The following PPARD variants were observed in gnomAD, a reference collection of about 807,000 sequenced individuals.
PPARD encodes peroxisome proliferator-activated receptor delta.
Under a neutral mutation model 39.5 loss-of-function variants are expected in PPARD, and 6 were observed. The observed-to-expected ratio is 0.15, with a 90% CI of 0.08 to 0.30. PPARD has a LOEUF of 0.30. Among genes scored for constraint, PPARD ranks in the 10% least tolerant of loss-of-function variants. PPARD has a pLI of 1.00. For synonymous variants in PPARD, 210 were observed against 231.3 expected, an observed-to-expected ratio of 0.91 and a Z score of 0.83; for missense variants, 397 against 596.8, an observed-to-expected ratio of 0.67 and a Z score of 3.49.
chr6:35,414,516 G>A (rs1467507379), intron 3 of PPARD, among the ~76,000 whole-genome samples: 2 of 150,462 alleles, frequency 1.3e-5, no homozygotes, highest in Non-Finnish European at 2.9e-5. Flanking sequence ...GTCCAGAGCA[G>A]AAGGGCTTGG....
At chr6:35,357,946 CTG>C (rs1222494679) in intron 2 of PPARD, among the ~76,000 whole-genome samples, 1 of 152,184 alleles carries the variant, frequency 6.6e-6, no homozygotes, top group African/African-American at 2.4e-5. Context: ...GGGATCTGAA[CTG>C]TGTTTCTTCC....
intron 3 of PPARD, among the ~76,000 whole-genome samples, chr6:35,411,509 A>C (rs1424023171): frequency 1.2e-4 from 18 of 152,224 alleles, no homozygotes; most frequent in Non-Finnish European, 2.6e-4. Context: ...TCTGTAACAC[A>C]TGTCATCATC....
chr6:35,355,234 G>A (rs1302379963), intron 2 of PPARD, among the ~76,000 whole-genome samples: 1 of 151,894 alleles, frequency 6.6e-6, no homozygotes, highest in East Asian at 1.9e-4. Flanking sequence ...TGAATCACTT[G>A]AGGCCACGAG....
chr6:35,387,785 G>A (rs1396187921), intron 2 of PPARD, among the ~76,000 whole-genome samples: 1 of 134,838 alleles, frequency 7.4e-6, no homozygotes, highest in Non-Finnish European at 1.5e-5. Context: ...GGAATGGCAC[G>A]ATCTCTGCTC....
chr6:35,411,351 G>A (rs1765417129), intron 3 of PPARD, 134 bp downstream of exon 3: 2 of 1,162,042 alleles, frequency 1.7e-6, no homozygotes, highest in South Asian at 6.5e-5. Flanking sequence ...CCGGAAGCCT[G>A]GGTTCACGCC....
chr6:35,368,674 A>C (rs1762328955), intron 2 of PPARD, among the ~76,000 whole-genome samples: 1 of 152,164 alleles, frequency 6.6e-6, no homozygotes, highest in African/African-American at 2.4e-5. Flanking sequence ...GCCACATGGG[A>C]GAGAATGATT....
Position 35,424,053 on chromosome 6 carries a change from T to G in PPARD, c.532T>G (p.Phe178Val), listed in dbSNP as rs2150857967. The G allele has an allele frequency of 2.5e-6, 4 of 1,614,172 alleles. No individual in the cohort carries two copies. The South Asian group carries it at 4.4e-5, about 18-fold the overall frequency. Residue 178 changes from phenylalanine (F) to valine (V), a missense_variant, in exon 6 of 8, where the codon TTC becomes GTC. Transcript: ENST00000360694. The surrounding 1 kb of genome is among the most constrained non-coding windows in gnomAD (Gnocchi z 7.1). Reference sequence around the variant, plus strand: ...CCCACAGGTGGCCGACCTGAAGGCCTTCTCCAAGCACATCTACAATGCCTA... The same window carrying G: ...CCCACAGGTGGCCGACCTGAAGGCCGTCTCCAAGCACATCTACAATGCCTA... ...YNPQVADLKA[F>V]SKHIYNAYLK...
chr6:35,395,993 G>A (rs764375181), intron 2 of PPARD, among the ~76,000 whole-genome samples: 6 of 152,132 alleles, frequency 3.9e-5, no homozygotes, highest in East Asian at 1.9e-4. Context: ...AAGCTGGGTA[G>A]GCTCCATGGA....
At chr6:35,380,963 A>AC (rs1763120574) in intron 2 of PPARD, among the ~76,000 whole-genome samples, 1 of 151,778 alleles carries the variant, frequency 6.6e-6, no homozygotes, top group Non-Finnish European at 1.5e-5. Context: ...TCCTCTCTCC[A>AC]CCGCTCCATC....
chr6:35,411,220 G>A lies in PPARD; in HGVS notation c.130+3G>A, dbSNP rs9658135. ...ACTTCCTTCCAGCAGCTACACAGGT[G>A]AGGAGAGGACTGGCAGGGGACACGG... On this transcript the variant is annotated splice_donor_region_variant and intron_variant, in intron 3 of 7. Transcript: ENST00000360694. 0.016 allele frequency: 25,051 copies of A among 1,518,848 alleles called. 231 individuals are homozygous for A. Among genetic ancestry groups the A allele is most frequent in the Non-Finnish European group, 0.019 (21,912 of 1,129,404 alleles). 94.1% of individuals were successfully genotyped at this position (1,518,848 alleles called of 1,614,324 possible).
chr6:35,385,645 TTA>T (rs1491259220), intron 2 of PPARD, among the ~76,000 whole-genome samples: 7,469 of 94,600 alleles, frequency 0.079, 663 homozygotes, highest in African/African-American at 0.21. Flanking sequence ...ATAAATAAAT[TTA>T]AAAAAAAAAA....
At chr6:35,354,260 C>CACATTCA (rs1359826023) in intron 2 of PPARD, among the ~76,000 whole-genome samples, 1 of 141,488 alleles carries the variant, frequency 7.1e-6, no homozygotes, top group Non-Finnish European at 1.5e-5. Context: ...AAAAGCGATA[C>CACATTCA]ACATTCAACA....
intron 2 of PPARD, among the ~76,000 whole-genome samples, chr6:35,409,570 T>C (rs1396680260): frequency 6.6e-6 from 1 of 151,170 alleles, no homozygotes; most frequent in Non-Finnish European, 1.5e-5. Flanking sequence ...GGTGGTGTTT[T>C]ATTTTAGGTT....
In PPARD at chr6:35,420,227, C is replaced by T. The variant is rs1457135534; in HGVS notation, c.231C>T (p.Cys77=). The T allele has an allele frequency of 8.7e-6, 14 of 1,607,962 alleles. No homozygotes were observed. Among genetic ancestry groups the T allele is most frequent in the African/African-American group, 1.3e-5 (1 of 74,822 alleles). Residue 77 remains cysteine, a synonymous_variant, in exon 4 of 8, where the codon TGC becomes TGT. Coordinates refer to ENST00000360694, the MANE Select transcript of PPARD (RefSeq NM_006238.5). ...CGSLNMECRV[C]GDKASGFHYG... ...GCCTCAACATGGAGTGCCGGGTGTGCGGGGACAAGGCATCGGGCTTCCACT... is the reference window on the plus strand; with the variant it reads ...GCCTCAACATGGAGTGCCGGGTGTGTGGGGACAAGGCATCGGGCTTCCACT...
At chr6:35,349,788 C>T (rs1761127778) in intron 2 of PPARD, among the ~76,000 whole-genome samples, 1 of 151,812 alleles carries the variant, frequency 6.6e-6, no homozygotes, top group South Asian at 2.1e-4. Flanking sequence ...GTCACCCAGG[C>T]TGGAGAGCAA....
chr6:35,404,721 T>G (rs1324905705), intron 2 of PPARD, among the ~76,000 whole-genome samples: 1 of 152,218 alleles, frequency 6.6e-6, no homozygotes, highest in Non-Finnish European at 1.5e-5. Flanking sequence ...TGGGAAGGAC[T>G]GGGCCCCAGG....
intron 2 of PPARD, among the ~76,000 whole-genome samples, chr6:35,391,251 A>T (rs1342741447): frequency 6.6e-6 from 1 of 152,390 alleles, no homozygotes; most frequent in East Asian, 1.9e-4. Flanking sequence ...TTTAATATTT[A>T]AAAGTTACTC....
chr6:35,398,454 A>G (rs572718176), intron 2 of PPARD, among the ~76,000 whole-genome samples: 13 of 152,254 alleles, frequency 8.5e-5, no homozygotes, highest in African/African-American at 3.1e-4. Flanking sequence ...TCGGTTTTGG[A>G]TGTGTTAGGC....
At chr6:35,416,735 T>A (rs1397701487) in intron 3 of PPARD, among the ~76,000 whole-genome samples, 11 of 152,298 alleles carry the variant, frequency 7.2e-5, no homozygotes, top group African/African-American at 2.6e-4. Flanking sequence ...TGCCATCACC[T>A]TTCTTTCAGC....
Sources: allele counts gnomAD v4.1 joint callset (sites outside exome capture counted in the v4.1 genomes callset), GRCh38; gene constraint gnomAD v4.1.1; non-coding constraint Gnocchi (gnomAD v3.1); transcripts MANE v1.5; gene names NCBI Gene and HGNC (gene_info 2026-07-23, HGNC 2026-07-21).